The following PRKG1 variants were observed in gnomAD, a reference collection of about 807,000 sequenced individuals.
PRKG1 encodes protein kinase cGMP-dependent 1.
A neutral mutation model predicts 88.1 loss-of-function variants in PRKG1; 35 were observed. The observed-to-expected ratio is 0.40, with a 90% CI of 0.30 to 0.53. PRKG1 has a LOEUF of 0.53. Among genes scored for constraint, PRKG1 ranks in the 20% least tolerant of loss-of-function variants. The pLI is 0.59. For missense variants in PRKG1, 540 were observed against 839.8 expected (o/e 0.64, Z 4.41); for synonymous variants, 303 against 292.5 (o/e 1.04, Z -0.37).
At chr10:51,412,019 A>G (rs2132689052) in intron 2 of PRKG1, among the ~76,000 whole-genome samples, 1 of 152,324 alleles carries the variant, frequency 6.6e-6, no homozygotes, top group Non-Finnish European at 1.5e-5. Flanking sequence ...GTGTCTCATT[A>G]TCTGATATTA....
intron 4 of PRKG1, 149 bp downstream of exon 4, chr10:51,804,839 T>C (rs952800259): frequency 6.8e-6 from 4 of 588,214 alleles, no homozygotes; most frequent in Non-Finnish European, 1.2e-5. Flanking sequence ...ACTTCGAACA[T>C]GCTTCTTTAT....
In PRKG1 at chr10:52,129,591, T is replaced by C. The variant is rs573097769; in HGVS notation, c.936-4249T>C. Among the ~76,000 whole-genome samples, 7 of 152,274 alleles carry C rather than the reference T, an allele frequency of 4.6e-5. No individual in the cohort carries two copies. In the South Asian group the frequency reaches 8.3e-4, roughly 18 times the overall value. ...TAGAGAGCTACAAGCACCTTAATAA[T>C]AGAAATAAAATGACACCGTCATGGC... is the stretch of plus-strand genomic sequence containing the variant. On this transcript the variant is annotated intron_variant, in intron 7 of 17. Transcript: ENST00000373980.
At chr10:51,854,580 G>A (rs1462075344) in intron 4 of PRKG1, among the ~76,000 whole-genome samples, 1 of 152,028 alleles carries the variant, frequency 6.6e-6, no homozygotes, top group Non-Finnish European at 1.5e-5. Context: ...AAAATGAAAA[G>A]ACAACCTCGT....
intron 3 of PRKG1, among the ~76,000 whole-genome samples, chr10:51,680,993 A>G (rs1044113052): frequency 1.1e-4 from 17 of 152,206 alleles, no homozygotes; most frequent in Admixed American, 1.1e-3. Flanking sequence ...CATTTATACA[A>G]GTACACACGT....
At chr10:51,971,743 A>G (rs1453186875) in intron 5 of PRKG1, among the ~76,000 whole-genome samples, 2 of 152,100 alleles carry the variant, frequency 1.3e-5, no homozygotes, top group East Asian at 3.8e-4. Context: ...CCTAATGTAC[A>G]CTTCATTTTA....
intron 9 of PRKG1, among the ~76,000 whole-genome samples, chr10:52,164,244 A>C (rs1259680711): frequency 6.6e-6 from 1 of 151,942 alleles, no homozygotes; most frequent in Non-Finnish European, 1.5e-5. Flanking sequence ...CCAGCTACTC[A>C]GGAGCCTGAG....
chr10:51,599,201 C>T (rs1838534672), intron 3 of PRKG1, among the ~76,000 whole-genome samples: 1 of 152,060 alleles, frequency 6.6e-6, no homozygotes, highest in African/African-American at 2.4e-5. Context: ...CCTCTTCTCC[C>T]CCAGGAAACA....
At chr10:51,227,236 G>A (rs921385617) in intron 2 of PRKG1, among the ~76,000 whole-genome samples, 6 of 151,582 alleles carry the variant, frequency 4.0e-5, no homozygotes, top group African/African-American at 1.5e-4. Context: ...AGACATGTCA[G>A]TCATCATAGG....
chr10:51,204,572 G>A (rs1235352626), intron 2 of PRKG1, among the ~76,000 whole-genome samples: 1 of 152,098 alleles, frequency 6.6e-6, no homozygotes, highest in African/African-American at 2.4e-5. Context: ...CTACCCTGCT[G>A]CCGGTAGACT....
At chr10:51,393,399 T>C (rs1837492491) in intron 2 of PRKG1, among the ~76,000 whole-genome samples, 1 of 148,282 alleles carries the variant, frequency 6.7e-6, no homozygotes, top group Non-Finnish European at 1.5e-5. Flanking sequence ...GCAGAGGGAC[T>C]CCTCAACTCC....
At chr10:51,727,283 A>T (rs59412997) in intron 3 of PRKG1, among the ~76,000 whole-genome samples, 15,512 of 145,338 alleles carry the variant, frequency 0.11, 1,084 homozygotes, top group African/African-American at 0.21. Flanking sequence ...GCAAAAAAAA[A>T]AAATATATAT....
intron 3 of PRKG1, among the ~76,000 whole-genome samples, chr10:51,601,772 A>T (rs1430097971): frequency 1.2e-4 from 4 of 33,872 alleles, no homozygotes; most frequent in African/African-American, 3.7e-4. Context: ...TTTTTTTTGT[A>T]AGCTGAGCCA....
chr10:51,267,992 A>G (rs1839880047), intron 2 of PRKG1, among the ~76,000 whole-genome samples: 1 of 152,192 alleles, frequency 6.6e-6, no homozygotes, highest in Non-Finnish European at 1.5e-5. Context: ...TATTTTCCCT[A>G]AGTGTTGAAC....
chr10:51,341,266 A>G (rs1025256054), intron 2 of PRKG1, among the ~76,000 whole-genome samples: 2 of 152,174 alleles, frequency 1.3e-5, no homozygotes, highest in Non-Finnish European at 2.9e-5. Context: ...TCTACATAGA[A>G]TTGTGTTAGA....
Position 51,698,706 on chromosome 10 carries a change from G to A in PRKG1, c.593-105879G>A, listed in dbSNP as rs573214790. On this transcript the variant is annotated intron_variant, in intron 3 of 17. Transcript: ENST00000373980. ...AGTTGGGGCTGCATTGCTCCTCCAGGAGTTAAGGAACCAGGACCAGCTCCG... is the reference window on the plus strand; with the variant it reads ...AGTTGGGGCTGCATTGCTCCTCCAGAAGTTAAGGAACCAGGACCAGCTCCG... 2 of 1,614,094 alleles carry A rather than the reference G, an allele frequency of 1.2e-6. No homozygotes were observed. The highest frequency in any genetic ancestry group is 2.7e-5 in the African/African-American group (2 of 74,934).
chr10:51,627,974 TTC>T (rs1381170590), intron 3 of PRKG1, among the ~76,000 whole-genome samples: 4 of 29,098 alleles, frequency 1.4e-4, no homozygotes, highest in Admixed American at 4.1e-4. Context: ...TTCTTTCTCT[TTC>T]TTTCTTTCTT....
At chr10:52,217,352 C>CTATATA (rs76704412) in intron 9 of PRKG1, among the ~76,000 whole-genome samples, 250 of 150,032 alleles carry the variant, frequency 1.7e-3, no homozygotes, top group Middle Eastern at 7.1e-3. Flanking sequence ...ATCTATCTAT[C>CTATATA]TATATATATA....
rs114503526 is a variant in PRKG1, at chr10:51,606,452, A to G, written c.592+138616A>G. Among the ~76,000 whole-genome samples, 728 of 152,256 alleles carry G rather than the reference A, an allele frequency of 4.8e-3. 5 individuals are homozygous for G. The highest frequency in any genetic ancestry group is 0.017 in the African/African-American group (693 of 41,564). On this transcript the variant is annotated intron_variant, in intron 3 of 17. Coordinates refer to ENST00000373980, the MANE Select transcript of PRKG1 (RefSeq NM_006258.4). ...GAGAAGTATGTATGTGGTTTATTTC[A>G]CTTCATTTTATTCTGACCAACACAG... is the stretch of plus-strand genomic sequence containing the variant.
Position 51,426,553 on chromosome 10 carries a change from G to A in PRKG1, c.479-41170G>A, listed in dbSNP as rs142094542. ...GAGATAGAGAGATATCACTAAAATG[G>A]ATAGGTACTAAATAGTATGCAAGGT... On this transcript the variant is annotated intron_variant, in intron 2 of 17. Transcript: ENST00000373980. Among the ~76,000 whole-genome samples the A allele has an allele frequency of 9.2e-5, 14 of 152,258 alleles. 1 individual carries two copies. The highest frequency in any genetic ancestry group is 2.9e-4 in the African/African-American group (12 of 41,542).
Sources: gnomAD v4.1 joint callset for allele counts (sites outside exome capture counted in the v4.1 genomes callset) on GRCh38, gnomAD v4.1.1 for gene constraint, MANE v1.5 for transcripts, NCBI Gene and HGNC (gene_info 2026-07-23, HGNC 2026-07-21) for gene names.